The following LPP variants were observed in gnomAD, a reference collection of about 807,000 sequenced individuals.
LPP encodes lipoma-preferred partner.
Under a neutral mutation model 60.4 loss-of-function variants are expected in LPP, and 38 were observed. The observed-to-expected ratio is 0.63, with a 90% CI of 0.49 to 0.83. The LOEUF is 0.83. Among genes scored for constraint, LPP ranks in the 40% least tolerant of loss-of-function variants. The pLI is 0.00. For synonymous variants in LPP, 328 were observed against 290.8 expected (o/e 1.13, Z -1.30); for missense variants, 902 against 783.6 (o/e 1.15, Z -1.80).
chr3:188,265,119 A>G (rs1222022071), intron 2 of LPP, among the ~76,000 whole-genome samples: 14 of 152,250 alleles, frequency 9.2e-5, no homozygotes, highest in Admixed American at 9.2e-4. Flanking sequence ...AGCAGCTTTT[A>G]AGAACTGACT....
intron 8 of LPP, 79 bp downstream of exon 8, chr3:188,708,472 G>C (rs751697126): frequency 6.3e-7 from 1 of 1,579,768 alleles, no homozygotes; most frequent in African/African-American, 1.3e-5. Context: ...ACTATTATCA[G>C]CTCCACTGGT....
At chr3:188,180,112 A>G (rs543666556) in intron 1 of LPP, 18 of 152,716 alleles carry the variant, frequency 1.2e-4, no homozygotes, top group Middle Eastern at 2.4e-3. Flanking sequence ...ACACTTAACT[A>G]TCTTCCTGCT....
chr3:188,702,638 A>T (rs1022729694), intron 7 of LPP, among the ~76,000 whole-genome samples: 3 of 152,194 alleles, frequency 2.0e-5, no homozygotes, highest in African/African-American at 7.2e-5. Flanking sequence ...GTCGCTCAGT[A>T]ACTCACCTGT....
At chr3:188,350,829 C>A (rs996292981) in intron 3 of LPP, among the ~76,000 whole-genome samples, 5 of 152,130 alleles carry the variant, frequency 3.3e-5, no homozygotes, top group Non-Finnish European at 7.4e-5. Context: ...AGACATAAAA[C>A]GAATAAGAGA....
intron 8 of LPP, among the ~76,000 whole-genome samples, chr3:188,758,495 A>G (rs1332414695): frequency 6.6e-6 from 1 of 152,174 alleles, no homozygotes; most frequent in African/African-American, 2.4e-5. Context: ...AAAAACTAAG[A>G]TGTATACTTT....
intron 7 of LPP, among the ~76,000 whole-genome samples, chr3:188,673,318 T>G (rs1231325772): frequency 7.4e-4 from 4 of 5,378 alleles, no homozygotes; most frequent in African/African-American, 1.0e-3. Flanking sequence ...GCCCTATATG[T>G]GGAAACAAAT....
chr3:188,437,551 C>G (rs200233806), intron 4 of LPP, among the ~76,000 whole-genome samples: 1 of 152,186 alleles, frequency 6.6e-6, no homozygotes, highest in South Asian at 2.1e-4. Flanking sequence ...TCCATTTTCT[C>G]TGTACTCTTT....
chr3:188,372,086 G>A (rs1773439607), intron 3 of LPP, among the ~76,000 whole-genome samples: 1 of 151,706 alleles, frequency 6.6e-6, no homozygotes, highest in Admixed American at 6.6e-5. Flanking sequence ...GGGAGAGTGA[G>A]CTTAGACAGA....
intron 9 of LPP, among the ~76,000 whole-genome samples, chr3:188,787,097 A>T (rs1245676877): frequency 6.6e-6 from 1 of 152,208 alleles, no homozygotes; most frequent in Non-Finnish European, 1.5e-5. Flanking sequence ...ACACACCTGC[A>T]TGAACTTACA....
chr3:188,696,201 C>G (rs1248277727), intron 7 of LPP, among the ~76,000 whole-genome samples: 1 of 151,478 alleles, frequency 6.6e-6, no homozygotes, highest in Admixed American at 6.6e-5. Context: ...AGTCCTAATT[C>G]AAGCTCTTTA....
intron 4 of LPP, among the ~76,000 whole-genome samples, chr3:188,449,210 G>T (rs534545168): frequency 3.6e-4 from 55 of 152,284 alleles, no homozygotes; most frequent in East Asian, 2.3e-3. Flanking sequence ...CCACTGGGCT[G>T]AGTTAAATAT....
rs2149144261 is a variant in LPP, at chr3:188,430,781, G to A, written c.193+24468G>A. Among the ~76,000 whole-genome samples, 3 of 152,200 alleles carry A rather than the reference G, an allele frequency of 2.0e-5. No homozygotes were observed. The South Asian group carries it at 6.2e-4, about 32-fold the overall frequency. ...CAATAGTAAGGCCAAGTTCAGTAAA[G>A]TTGAAAATGCTTTACACCATCACTG... On this transcript the variant is annotated intron_variant, in intron 4 of 11. Coordinates refer to ENST00000617246, the MANE Select transcript of LPP (RefSeq NM_001375462.1).
rs926923741 is a variant in LPP, at chr3:188,609,041, T to A, written c.430-120T>A. On this transcript the variant is annotated intron_variant, in intron 6 of 11. Coordinates refer to ENST00000617246, the MANE Select transcript of LPP (RefSeq NM_001375462.1). This position sits in a 1 kb window ranked among gnomAD's most constrained non-coding sequence, Gnocchi z 6.9. ...AGGCAAGATTATGCCTTATTTGTGT[T>A]CTACATAGTAATAAATAATAATTAG... 3 of 783,636 alleles carry A rather than the reference T, an allele frequency of 3.8e-6. No individual in the cohort carries two copies. Among genetic ancestry groups the A allele is most frequent in the Non-Finnish European group, 6.0e-6 (3 of 497,938 alleles). The allele number at this position is 783,636 out of a possible 1,614,324, so 48.5% of individuals were successfully genotyped here.
rs185834980 is a variant in LPP, at chr3:188,876,678, G to A, written c.*2199G>A. On this transcript the variant is annotated 3_prime_UTR_variant, in exon 12 of 12. Coordinates refer to ENST00000617246, the MANE Select transcript of LPP (RefSeq NM_001375462.1). ...TCGGAGAAATTCTCTTTAGGACAAAGCAGAGAGTCCAATTTATTGAGGGAT... is the reference window on the plus strand; with the variant it reads ...TCGGAGAAATTCTCTTTAGGACAAAACAGAGAGTCCAATTTATTGAGGGAT... 2.6e-5 allele frequency: 5 copies of A among 193,036 alleles called. No individual in the cohort carries two copies. The highest frequency in any genetic ancestry group is 1.1e-5 in the Non-Finnish European group (1 of 92,434). 12.0% of individuals were successfully genotyped at this position (193,036 alleles called of 1,614,324 possible). A position where few individuals can be genotyped will look rare whatever the true frequency, so the allele number is the denominator to read the frequency against.
At chr3:188,372,995 A>T (rs1160750450) in intron 3 of LPP, among the ~76,000 whole-genome samples, 2 of 151,074 alleles carry the variant, frequency 1.3e-5, no homozygotes, top group Non-Finnish European at 2.9e-5. Flanking sequence ...GCTGAGAATG[A>T]TGGTTTCCAG....
At chr3:188,618,488 C>G (rs1204149228) in intron 7 of LPP, among the ~76,000 whole-genome samples, 3 of 152,206 alleles carry the variant, frequency 2.0e-5, no homozygotes, top group African/African-American at 4.8e-5. Context: ...GACGTCGCCT[C>G]ACTGCCAGCC....
At chr3:188,817,059 T>C (rs541114994) in intron 9 of LPP, among the ~76,000 whole-genome samples, 3 of 152,312 alleles carry the variant, frequency 2.0e-5, no homozygotes, top group East Asian at 3.9e-4. Flanking sequence ...ATAATTAAGA[T>C]GGGAAAATTT....
At chr3:188,668,134 T>G (rs1328975461) in intron 7 of LPP, among the ~76,000 whole-genome samples, 1 of 152,146 alleles carries the variant, frequency 6.6e-6, no homozygotes, top group Non-Finnish European at 1.5e-5. Context: ...AGTATACATT[T>G]TGGAATCCGG....
chr3:188,251,676 C>T (rs1729683869), intron 2 of LPP, among the ~76,000 whole-genome samples: 2 of 151,964 alleles, frequency 1.3e-5, no homozygotes, highest in Non-Finnish European at 2.9e-5. Context: ...TTATGGTGCT[C>T]CTCCTTCAAC....
Sources: gnomAD v4.1 joint callset for allele counts (sites outside exome capture counted in the v4.1 genomes callset) on GRCh38, gnomAD v4.1.1 for gene constraint, Gnocchi (gnomAD v3.1) non-coding constraint, MANE v1.5 for transcripts, NCBI Gene and HGNC (gene_info 2026-07-23, HGNC 2026-07-21) for gene names.